The following WDR37 variants were observed in gnomAD, a reference collection of about 807,000 sequenced individuals.
The protein encoded by WDR37 is WD repeat-containing protein 37.
Under a neutral mutation model 62.9 loss-of-function variants are expected in WDR37, and 19 were observed. The observed-to-expected ratio is 0.30, with a 90% CI of 0.21 to 0.44. The LOEUF (loss-of-function observed/expected upper bound fraction) is 0.44. Among genes scored for constraint, WDR37 ranks in the 20% least tolerant of loss-of-function variants. WDR37 has a pLI of 1.00. For missense variants in WDR37, 474 were observed against 657.6 expected, an observed-to-expected ratio of 0.72 and a Z score of 3.05; for synonymous variants, 250 against 260.9, an observed-to-expected ratio of 0.96 and a Z score of 0.40.
At chr10:1,113,950 C>CTTGTTTTTTTTTT (rs762205400) in intron 11 of WDR37, among the ~76,000 whole-genome samples, 1 of 76,200 alleles carries the variant, frequency 1.3e-5, no homozygotes, top group East Asian at 4.8e-4. Flanking sequence ...GGTAAAATGC[C>CTTGTTTTTTTTTT]TTTTTTTTTT....
intron 12 of WDR37, 65 bp downstream of exon 12, chr10:1,124,417 A>C: frequency 6.2e-7 from 1 of 1,601,854 alleles, no homozygotes; most frequent in Non-Finnish European, 8.5e-7. Flanking sequence ...TTGTGATTTC[A>C]TGTTTTATTC....
At position 1,103,890 on chromosome 10, in the gene WDR37, C is replaced by T; in HGVS notation, c.961+54C>T. Reference sequence around the variant, plus strand: ...CCTGGCTGTGCATGTTAGTTTATGTCCATGGGTTATGTCTGACCTTGCCAC... The same window carrying T: ...CCTGGCTGTGCATGTTAGTTTATGTTCATGGGTTATGTCTGACCTTGCCAC... On this transcript the variant is annotated intron_variant, in intron 10 of 13. Coordinates refer to ENST00000263150, the MANE Select transcript of WDR37 (RefSeq NM_014023.4). The surrounding 1 kb of genome is among the most constrained non-coding windows in gnomAD (Gnocchi z 6.3). The T allele has an allele frequency of 1.3e-6, 2 of 1,561,880 alleles. No homozygotes were observed. The highest frequency in any genetic ancestry group is 8.7e-7 in the Non-Finnish European group (1 of 1,143,054).
At chr10:1,107,279 C>T (rs1211230876) in intron 11 of WDR37, among the ~76,000 whole-genome samples, 3 of 150,102 alleles carry the variant, frequency 2.0e-5, no homozygotes, top group Non-Finnish European at 4.4e-5. Context: ...TGGACCTGGG[C>T]CCACCACCTG....
chr10:1,113,469 A>G (rs1835281850), intron 11 of WDR37, among the ~76,000 whole-genome samples: 1 of 151,966 alleles, frequency 6.6e-6, no homozygotes, highest in Non-Finnish European at 1.5e-5. Flanking sequence ...TAAAAAATAC[A>G]CTTTGTAAGG....
At chr10:1,057,492 G>C (rs1401712750) in intron 1 of WDR37, among the ~76,000 whole-genome samples, 1 of 152,170 alleles carries the variant, frequency 6.6e-6, no homozygotes, top group Non-Finnish European at 1.5e-5. Context: ...AAGAAGGGTG[G>C]TGAGTGTGGA....
intron 11 of WDR37, among the ~76,000 whole-genome samples, chr10:1,111,054 T>C (rs72760953): frequency 0.077 from 11,699 of 152,322 alleles, 819 homozygotes; most frequent in African/African-American, 0.19. Flanking sequence ...TGGAAAGTTA[T>C]ATGCATGGTG....
At chr10:1,081,644 T>C (rs1834032588) in intron 5 of WDR37, among the ~76,000 whole-genome samples, 1 of 152,228 alleles carries the variant, frequency 6.6e-6, no homozygotes, top group Non-Finnish European at 1.5e-5. Flanking sequence ...TGCTAATTTA[T>C]TTGATTTTTT....
At chr10:1,094,683 A>T (rs1200069769) in intron 8 of WDR37, among the ~76,000 whole-genome samples, 1 of 152,220 alleles carries the variant, frequency 6.6e-6, no homozygotes. Flanking sequence ...GCTGGAAAAG[A>T]GGGTGGAACC....
At chr10:1,091,094 G>T (rs996214430) in intron 7 of WDR37, among the ~76,000 whole-genome samples, 1 of 152,168 alleles carries the variant, frequency 6.6e-6, no homozygotes, top group Non-Finnish European at 1.5e-5. Context: ...ACACTATTTT[G>T]AGTGGGTGAG....
chr10:1,062,431 T>C (rs1383103246), intron 1 of WDR37, among the ~76,000 whole-genome samples: 1 of 152,228 alleles, frequency 6.6e-6, no homozygotes, highest in African/African-American at 2.4e-5. Flanking sequence ...ATGTCTGGAA[T>C]GCATCAGAAT....
At chr10:1,109,251 C>G (rs1835131707) in intron 11 of WDR37, among the ~76,000 whole-genome samples, 1 of 152,156 alleles carries the variant, frequency 6.6e-6, no homozygotes, top group Admixed American at 6.5e-5. Flanking sequence ...CCTGTATTGT[C>G]TCTGTTCAGT....
At chr10:1,069,389 A>ATATATATATATATTTTTTTTT in intron 1 of WDR37, among the ~76,000 whole-genome samples, 1 of 95,804 alleles carries the variant, frequency 1.0e-5, no homozygotes, top group African/African-American at 4.7e-5. Flanking sequence ...ATATATATAT[A>ATATATATATATATTTTTTTTT]TTTTTTTTTT....
chr10:1,084,331 G>A lies in WDR37; in HGVS notation c.397-72G>A, dbSNP rs192503437. On this transcript the variant is annotated intron_variant, in intron 5 of 13. Coordinates refer to ENST00000263150, the MANE Select transcript of WDR37 (RefSeq NM_014023.4). Reference sequence around the variant, plus strand: ...GTGCATTTTCCAAGACGTCTTTTTCGTTTTCTCTTTCTTGACTTAGAAAAA... The same window carrying A: ...GTGCATTTTCCAAGACGTCTTTTTCATTTTCTCTTTCTTGACTTAGAAAAA... The A allele has an allele frequency of 1.8e-4, 281 of 1,561,752 alleles. 1 individual carries two copies. In the African/African-American group the frequency reaches 2.8e-3, roughly 16 times the overall value.
At chr10:1,071,262 A>G (rs906043046) in intron 1 of WDR37, among the ~76,000 whole-genome samples, 6 of 152,206 alleles carry the variant, frequency 3.9e-5, no homozygotes, top group African/African-American at 1.4e-4. Flanking sequence ...TGGGTCAGGC[A>G]TTCTTTGACA....
At chr10:1,064,085 A>G (rs966192823) in intron 1 of WDR37, among the ~76,000 whole-genome samples, 11 of 152,276 alleles carry the variant, frequency 7.2e-5, no homozygotes, top group Non-Finnish European at 1.2e-4. Context: ...ACAAACGACA[A>G]ATAGCCTCAG....
intron 1 of WDR37, among the ~76,000 whole-genome samples, chr10:1,068,886 A>T (rs2131611159): frequency 1.3e-5 from 2 of 152,354 alleles, no homozygotes; most frequent in South Asian, 4.1e-4. Context: ...CTATGCTACA[A>T]CATAGATGGA....
intron 5 of WDR37, 98 bp downstream of exon 5, chr10:1,080,574 A>G: frequency 7.3e-7 from 1 of 1,367,016 alleles, no homozygotes; most frequent in Non-Finnish European, 1.0e-6. Context: ...GGCATAGCAG[A>G]AAAAGATAAA....
chr10:1,067,546 T>C (rs535755994), intron 1 of WDR37, among the ~76,000 whole-genome samples: 2 of 152,206 alleles, frequency 1.3e-5, no homozygotes, highest in Non-Finnish European at 2.9e-5. Context: ...CTATAGAGTA[T>C]GTAAAGAACT....
intron 1 of WDR37, among the ~76,000 whole-genome samples, chr10:1,064,535 G>C (rs1218040718): frequency 6.9e-6 from 1 of 144,956 alleles, no homozygotes; most frequent in East Asian, 2.2e-4. Context: ...CATAGTAAGA[G>C]AGATACCACT....
Sources: allele counts gnomAD v4.1 joint callset (sites outside exome capture counted in the v4.1 genomes callset), GRCh38; gene constraint gnomAD v4.1.1; non-coding constraint Gnocchi (gnomAD v3.1); transcripts MANE v1.5; gene names NCBI Gene and HGNC (gene_info 2026-07-23, HGNC 2026-07-21).